Variants in SSBP2 observed in about 807,000 individuals in gnomAD.
The protein encoded by SSBP2 is single-stranded DNA-binding protein 2.
Under a neutral mutation model 61.8 loss-of-function variants are expected in SSBP2, and 17 were observed. That is an observed-to-expected ratio of 0.28 (90% confidence interval 0.19 to 0.41). SSBP2 has a LOEUF of 0.41. Among genes scored for constraint, SSBP2 ranks in the 10% least tolerant of loss-of-function variants. The probability of loss-of-function intolerance (pLI) is 1.00; values close to 1 mark genes in which losing one functional copy is unlikely to be tolerated. For synonymous variants in SSBP2, 139 were observed against 141.3 expected (o/e 0.98, Z 0.12); for missense variants, 310 against 458.7 (o/e 0.68, Z 2.96).
chr5:81,536,224 C>T (rs1422135944), intron 4 of SSBP2, among the ~76,000 whole-genome samples: 3 of 152,078 alleles, frequency 2.0e-5, no homozygotes, highest in African/African-American at 7.2e-5. Flanking sequence ...AGATCAATTA[C>T]AACATAAATG....
intron 1 of SSBP2, among the ~76,000 whole-genome samples, chr5:81,706,632 T>C (rs185661991): frequency 2.0e-5 from 3 of 152,276 alleles, no homozygotes; most frequent in Admixed American, 2.0e-4. Context: ...TTTTAAAGTA[T>C]GATACAAAAA....
chr5:81,545,139 G>A (rs1771629532), intron 4 of SSBP2, among the ~76,000 whole-genome samples: 1 of 152,126 alleles, frequency 6.6e-6, no homozygotes, highest in Non-Finnish European at 1.5e-5. Context: ...TTGAATTTCA[G>A]ATAAAACACA....
In SSBP2 at chr5:81,431,992, A is replaced by T. The variant is rs527653638; in HGVS notation, c.958-3309T>A. 4.6e-5 allele frequency among the ~76,000 whole-genome samples: 7 copies of T among 152,380 alleles called. No homozygotes were observed. The East Asian group carries it at 7.7e-4, about 17-fold the overall frequency. On this transcript the variant is annotated intron_variant, in intron 15 of 16. Transcript: ENST00000320672. ...TTTTAAATTTTTCCATTTTCAAATT[A>T]AAAAAGTGAACATTTATAGAAACTG... is the stretch of plus-strand genomic sequence containing the variant.
chr5:81,693,007 C>G (rs944102241), intron 1 of SSBP2, among the ~76,000 whole-genome samples: 2 of 151,804 alleles, frequency 1.3e-5, no homozygotes, highest in African/African-American at 4.8e-5. Context: ...AGATGGAGAC[C>G]ATCCTGGCCA....
intron 4 of SSBP2, among the ~76,000 whole-genome samples, chr5:81,597,759 C>T (rs1171054820): frequency 2.0e-5 from 3 of 149,120 alleles, no homozygotes; most frequent in African/African-American, 7.4e-5. Flanking sequence ...ATCGCAAGGA[C>T]AAAAAACCAA....
At chr5:81,696,442 C>T (rs1393551341) in intron 1 of SSBP2, among the ~76,000 whole-genome samples, 3 of 152,094 alleles carry the variant, frequency 2.0e-5, no homozygotes, top group Non-Finnish European at 4.4e-5. Context: ...ATGAGCTACA[C>T]GAAGAAATGG....
At chr5:81,444,980 G>A (rs1189292863) in intron 12 of SSBP2, among the ~76,000 whole-genome samples, 3 of 150,542 alleles carry the variant, frequency 2.0e-5, no homozygotes, top group Admixed American at 6.6e-5. Context: ...AAAATTAGCC[G>A]GGCATGGTGG....
At chr5:81,435,016 C>T (rs1304362398) in intron 15 of SSBP2, among the ~76,000 whole-genome samples, 1 of 152,174 alleles carries the variant, frequency 6.6e-6, no homozygotes, top group East Asian at 1.9e-4. Context: ...TACTATCACC[C>T]AGGGGTCGGC....
intron 4 of SSBP2, among the ~76,000 whole-genome samples, chr5:81,527,503 T>G (rs1448017459): frequency 6.6e-6 from 1 of 151,860 alleles, no homozygotes; most frequent in Non-Finnish European, 1.5e-5. Context: ...ATCAATCAAG[T>G]TTGAGGGAAG....
intron 4 of SSBP2, among the ~76,000 whole-genome samples, chr5:81,598,794 A>G (rs556280650): frequency 3.3e-5 from 5 of 151,998 alleles, no homozygotes; most frequent in African/African-American, 1.2e-4. Context: ...TCTCCCTCAT[A>G]CCTTTTGTTC....
intron 8 of SSBP2, among the ~76,000 whole-genome samples, chr5:81,472,831 C>T (rs1471353813): frequency 6.6e-6 from 1 of 152,160 alleles, no homozygotes; most frequent in Non-Finnish European, 1.5e-5. Context: ...AAACTCCTGA[C>T]CTCAAGTGAT....
At position 81,497,972 on chromosome 5, in the gene SSBP2, C is replaced by T. The variant is rs149103843; in HGVS notation, c.373-8663G>A. On this transcript the variant is annotated intron_variant, in intron 5 of 16. Coordinates refer to ENST00000320672, the MANE Select transcript of SSBP2 (RefSeq NM_012446.5). ...CCAGTCACAAGAACTGCTAACAATT[C>T]TATATAGCAGTTTGCCTCTCAGGTG... 7.9e-3 allele frequency among the ~76,000 whole-genome samples: 1,206 copies of T among 152,156 alleles called. 12 individuals carry two copies. The highest frequency in any genetic ancestry group is 0.027 in the African/African-American group (1,118 of 41,548).
At chr5:81,611,225 A>T (rs1023141597) in intron 4 of SSBP2, among the ~76,000 whole-genome samples, 5 of 152,350 alleles carry the variant, frequency 3.3e-5, no homozygotes, top group Admixed American at 3.3e-4. Context: ...ACAAGACAAC[A>T]TAATAATTCA....
At chr5:81,464,803 A>G (rs1422527116) in intron 9 of SSBP2, among the ~76,000 whole-genome samples, 1 of 152,118 alleles carries the variant, frequency 6.6e-6, no homozygotes, top group Non-Finnish European at 1.5e-5. Flanking sequence ...TTTTTAAGGA[A>G]TATGCAAAAT....
Position 81,415,117 on chromosome 5 carries a change from A to G in SSBP2, c.*5387T>C, listed in dbSNP as rs993468443. 2.6e-5 allele frequency: 4 copies of G among 152,202 alleles called. No individual in the cohort carries two copies. Among genetic ancestry groups the G allele is most frequent in the African/African-American group, 9.7e-5 (4 of 41,448 alleles). 9.4% of individuals were successfully genotyped at this position (152,202 alleles called of 1,614,324 possible). ...AACACAGCCTCTGGCTCCTCATAGC[A>G]AACAATAAACTTATTCCACCAGGAG... On this transcript the variant is annotated 3_prime_UTR_variant, in exon 17 of 17. Transcript: ENST00000320672.
intron 9 of SSBP2, among the ~76,000 whole-genome samples, chr5:81,465,465 T>G (rs189481960): frequency 2.5e-4 from 38 of 152,114 alleles, no homozygotes; most frequent in African/African-American, 6.5e-4. Context: ...AATGGTCACA[T>G]AGAAACAATT....
At position 81,712,470 on chromosome 5, in the gene SSBP2, G is replaced by A. The variant is rs1754857388; in HGVS notation, c.62+38511C>T. ...CAAAAAATTAGCCGGGCGCGGTGGC[G>A]GGCGCCTGTAGTCCCAGCTACTCGG... On this transcript the variant is annotated intron_variant, in intron 1 of 16. Coordinates refer to ENST00000320672, the MANE Select transcript of SSBP2 (RefSeq NM_012446.5). Among the ~76,000 whole-genome samples the A allele has an allele frequency of 8.0e-5, 3 of 37,604 alleles. 1 individual carries two copies. Among genetic ancestry groups the A allele is most frequent in the South Asian group, 1.7e-3 (2 of 1,202 alleles). The allele number at this position is 37,604 out of a possible 152,430, so 24.7% of individuals were successfully genotyped here.
chr5:81,721,385 C>T (rs1755534897), intron 1 of SSBP2, among the ~76,000 whole-genome samples: 1 of 152,034 alleles, frequency 6.6e-6, no homozygotes, highest in Non-Finnish European at 1.5e-5. Context: ...CAGGTAGCTA[C>T]TTCAGACTGA....
chr5:81,685,079 C>T (rs1561690171), intron 1 of SSBP2, among the ~76,000 whole-genome samples: 1 of 152,070 alleles, frequency 6.6e-6, no homozygotes, highest in Non-Finnish European at 1.5e-5. Context: ...GCACTTCCCC[C>T]TTCACTCGCT....
Sources: allele counts gnomAD v4.1 joint callset (sites outside exome capture counted in the v4.1 genomes callset), GRCh38; gene constraint gnomAD v4.1.1; transcripts MANE v1.5; gene names NCBI Gene and HGNC (gene_info 2026-07-23, HGNC 2026-07-21).